Variants in ADRA1B observed in about 807,000 individuals in gnomAD.
ADRA1B encodes adrenoceptor alpha 1B.
ADRA1B carries 17 observed loss-of-function variants against 17.9 expected under a neutral mutation model. The ratio of observed to expected loss-of-function variants is 0.95; its 90% CI spans 0.65 to 1.42. The LOEUF is 1.42. Ranked by LOEUF, ADRA1B falls within the 40% of genes most tolerant of loss-of-function variation. The pLI is 0.00. For missense variants in ADRA1B, 681 were observed against 722.1 expected (o/e 0.94, Z 0.65); for synonymous variants, 366 against 327.6 (o/e 1.12, Z -1.27).
chr5:159,867,481 G>T lies in ADRA1B; in HGVS notation c.-256+2275G>T, dbSNP rs148454466. Among the ~76,000 whole-genome samples, 1,324 of 152,020 alleles carry T rather than the reference G, an allele frequency of 8.7e-3. 9 individuals carry two copies. The highest frequency in any genetic ancestry group is 0.027 in the South Asian group (128 of 4,804). Reference sequence around the variant, plus strand: ...TGCTGGTTCTACCACCCTCTCCCTCGCCCTCTCTCATATTTTCCTCTCCCT... The same window carrying T: ...TGCTGGTTCTACCACCCTCTCCCTCTCCCTCTCTCATATTTTCCTCTCCCT... On this transcript the variant is annotated intron_variant, in intron 1 of 2. Coordinates refer to the ADRA1B transcript ENST00000641205.
At chr5:159,951,757 G>A (rs932088970) in intron 1 of ADRA1B, among the ~76,000 whole-genome samples, 1 of 152,184 alleles carries the variant, frequency 6.6e-6, no homozygotes, top group Non-Finnish European at 1.5e-5. Flanking sequence ...GGAGCAGAGT[G>A]GTGAGGGGAA....
intron 1 of ADRA1B, among the ~76,000 whole-genome samples, chr5:159,940,006 G>A (rs1350546796): frequency 6.6e-6 from 1 of 152,170 alleles, no homozygotes; most frequent in African/African-American, 2.4e-5. Flanking sequence ...TCTCCCGGGA[G>A]ACTGGGTCTC....
chr5:159,937,447 G>GTTT (rs60153715), intron 1 of ADRA1B, among the ~76,000 whole-genome samples: 1 of 145,916 alleles, frequency 6.9e-6, no homozygotes. Context: ...TTGTTTTTTT[G>GTTT]TTTTTTTTTT....
At chr5:159,958,859 G>C (rs1480007297) in intron 1 of ADRA1B, among the ~76,000 whole-genome samples, 3 of 152,178 alleles carry the variant, frequency 2.0e-5, no homozygotes, top group African/African-American at 7.2e-5. Flanking sequence ...TGTTCTGCAG[G>C]GAAATTACTA....
At chr5:159,931,027 A>T (rs988574518) in intron 1 of ADRA1B, among the ~76,000 whole-genome samples, 2 of 147,162 alleles carry the variant, frequency 1.4e-5, no homozygotes, top group Admixed American at 6.8e-5. Flanking sequence ...TATATTTAAT[A>T]ATATATATAT....
chr5:159,885,550 A>G (rs1269562989), intron 1 of ADRA1B, among the ~76,000 whole-genome samples: 2 of 152,204 alleles, frequency 1.3e-5, no homozygotes, highest in Non-Finnish European at 2.9e-5. Context: ...ACACTAACAC[A>G]TCTAGATGTG....
the ADRA1B span, among the ~76,000 whole-genome samples, chr5:159,984,347 G>A: frequency 3.9e-5 from 6 of 152,158 alleles, no homozygotes; most frequent in South Asian, 1.2e-3. Context: ...CCCATCTCAG[G>A]AAATGGACCA....
rs533630030 is a variant in ADRA1B, at chr5:159,866,706, G to C, written c.-256+1500G>C. On this transcript the variant is annotated intron_variant, in intron 1 of 2. Transcript: ENST00000641205. ...TTTTATGGGAGAATGTCTCCCAAAA[G>C]TTAAGTGTTTTTTCCCACGTCAAAC... Among the ~76,000 whole-genome samples the C allele has an allele frequency of 1.2e-4, 19 of 152,222 alleles. No individual in the cohort carries two copies. The South Asian group carries it at 3.9e-3, about 32-fold the overall frequency.
chr5:159,945,043 C>G (rs186390990), intron 1 of ADRA1B, among the ~76,000 whole-genome samples: 1 of 152,248 alleles, frequency 6.6e-6, no homozygotes, highest in East Asian at 1.9e-4. Context: ...AAAGCATAAG[C>G]TCAACCTGAG....
chr5:159,935,780 C>G (rs538033948), intron 1 of ADRA1B, among the ~76,000 whole-genome samples: 148 of 152,344 alleles, frequency 9.7e-4, no homozygotes, highest in African/African-American at 3.5e-3. Flanking sequence ...CTCCTGATCT[C>G]AAGTGATCCG....
intron 1 of ADRA1B, among the ~76,000 whole-genome samples, chr5:159,905,916 G>A (rs1305171275): frequency 1.3e-5 from 2 of 151,972 alleles, no homozygotes; most frequent in Admixed American, 6.6e-5. Context: ...GAGTGCAGAG[G>A]TGCAATCTTG....
At chr5:159,980,307 C>A in the ADRA1B span, among the ~76,000 whole-genome samples, 35 of 152,108 alleles carry the variant, frequency 2.3e-4, no homozygotes, top group Admixed American at 2.0e-3. Context: ...ATAATCTCCA[C>A]CCGAAAGAGG....
intron 1 of ADRA1B, among the ~76,000 whole-genome samples, chr5:159,918,202 C>T (rs972367794): frequency 1.3e-5 from 2 of 152,144 alleles, no homozygotes; most frequent in African/African-American, 4.8e-5. Flanking sequence ...AATGATGTGT[C>T]GGCTAAGGCA....
chr5:159,947,743 A>C (rs938316270), intron 1 of ADRA1B: 36 of 985,330 alleles, frequency 3.7e-5, no homozygotes, highest in Non-Finnish European at 4.3e-5. Context: ...TAAATCCAGG[A>C]AAGAAATGAA....
At position 159,873,981 on chromosome 5, in the gene ADRA1B, G is replaced by A. The variant is rs529225829; in HGVS notation, c.-256+8775G>A. 1.4e-4 allele frequency among the ~76,000 whole-genome samples: 21 copies of A among 152,222 alleles called. No homozygotes were observed. The South Asian group carries it at 4.4e-3, about 32-fold the overall frequency. On this transcript the variant is annotated intron_variant, in intron 1 of 2. Coordinates refer to the ADRA1B transcript ENST00000641205. ...ACCTCTTTGTTTTTTTATGCAGAGG[G>A]CAGAAAATGTCTTCTGGACGACTTA...
At chr5:159,880,393 T>C (rs1753850404) in intron 1 of ADRA1B, among the ~76,000 whole-genome samples, 3 of 152,166 alleles carry the variant, frequency 2.0e-5, no homozygotes, top group African/African-American at 7.2e-5. Context: ...GAGTTTCCCA[T>C]CCCACTTTTC....
intron 1 of ADRA1B, among the ~76,000 whole-genome samples, chr5:159,895,996 G>T (rs1306909804): frequency 6.6e-6 from 1 of 152,210 alleles, no homozygotes; most frequent in African/African-American, 2.4e-5. Context: ...ACATAGTGCT[G>T]TGCCTGACAA....
rs1252920406 is a variant in ADRA1B at position 159,939,296 on chromosome 5, T to A, written c.949+21442T>A. ...GAGAGAGAGTGTGTGTGTGTGTGTG[T>A]GTGTGTGTGTGTGTGTGTGTGTGTG... On this transcript the variant is annotated intron_variant, in intron 1 of 1. Transcript: ENST00000306675. 7.5e-3 allele frequency among the ~76,000 whole-genome samples: 1,053 copies of A among 140,780 alleles called. 10 individuals carry two copies. Among genetic ancestry groups the A allele is most frequent in the African/African-American group, 0.023 (856 of 37,824 alleles). The allele number at this position is 140,780 out of a possible 152,430, so 92.4% of individuals were successfully genotyped here.
At chr5:159,942,085 G>C (rs1043036758) in intron 1 of ADRA1B, among the ~76,000 whole-genome samples, 1 of 152,074 alleles carries the variant, frequency 6.6e-6, no homozygotes, top group Non-Finnish European at 1.5e-5. Flanking sequence ...ACCACGCCCA[G>C]CTAATTTTTT....
Sources: gnomAD v4.1 joint callset for allele counts (sites outside exome capture counted in the v4.1 genomes callset) on GRCh38, gnomAD v4.1.1 for gene constraint, MANE v1.5 for transcripts, NCBI Gene and HGNC (gene_info 2026-07-23, HGNC 2026-07-21) for gene names.